Variants in DGKI observed in about 807,000 individuals in gnomAD.
DGKI encodes the protein diacylglycerol kinase iota.
A neutral mutation model predicts 147.5 loss-of-function variants in DGKI; 55 were observed. That is an observed-to-expected ratio of 0.37 (90% CI 0.30 to 0.47). DGKI has a LOEUF of 0.47. Among genes scored for constraint, DGKI ranks in the 20% least tolerant of loss-of-function variants. DGKI has a pLI of 1.00. For synonymous variants in DGKI, 469 were observed against 477.1 expected (o/e 0.98, Z 0.22); for missense variants, 1,007 against 1,323.8 (o/e 0.76, Z 3.71).
chr7:137,524,641 T>C (rs1817078573), intron 20 of DGKI, among the ~76,000 whole-genome samples: 1 of 152,072 alleles, frequency 6.6e-6, no homozygotes, highest in Non-Finnish European at 1.5e-5. Context: ...TTAGAAAATA[T>C]TTTCCTGCAC....
rs1823005832 is a variant in DGKI, at chr7:137,675,624, G to T, written c.606+2933C>A. 2.0e-5 allele frequency among the ~76,000 whole-genome samples: 3 copies of T among 149,216 alleles called. No homozygotes were observed. In the Admixed American group the frequency reaches 2.0e-4, roughly 10 times the overall value. On this transcript the variant is annotated intron_variant, in intron 3 of 32. Transcript: ENST00000614521. ...TTCTTGAACCCGGGAGGCGGAGGTT[G>T]CAGTGAGCCGAGATCACACCACTGC...
intron 3 of DGKI, among the ~76,000 whole-genome samples, chr7:137,674,555 G>A (rs1245590192): frequency 4.6e-5 from 7 of 152,144 alleles, no homozygotes; most frequent in African/African-American, 1.4e-4. Flanking sequence ...GTATTCTATA[G>A]TCATGCTTCC....
chr7:137,399,002 A>T (rs1279199606), intron 30 of DGKI, among the ~76,000 whole-genome samples: 30 of 145,532 alleles, frequency 2.1e-4, no homozygotes, highest in East Asian at 2.1e-4. Flanking sequence ...CCAGGGTTCC[A>T]TTTTTTTTTT....
At chr7:137,568,933 C>A (rs1430868241) in intron 19 of DGKI, among the ~76,000 whole-genome samples, 2 of 146,358 alleles carry the variant, frequency 1.4e-5, no homozygotes, top group African/African-American at 2.6e-5. Flanking sequence ...AAAAAAAACA[C>A]CCATACCAGA....
At chr7:137,514,630 T>C (rs956807314) in intron 21 of DGKI, among the ~76,000 whole-genome samples, 12 of 152,182 alleles carry the variant, frequency 7.9e-5, no homozygotes. Context: ...CCTACCTCTA[T>C]TTACCAAGTT....
intron 1 of DGKI, among the ~76,000 whole-genome samples, chr7:137,690,472 T>C (rs1823566239): frequency 6.6e-6 from 1 of 152,196 alleles, no homozygotes; most frequent in African/African-American, 2.4e-5. Context: ...TTCACTGTTA[T>C]TTTGCTTTCC....
chr7:137,472,394 A>G (rs1179798332), intron 23 of DGKI, among the ~76,000 whole-genome samples: 2 of 101,824 alleles, frequency 2.0e-5, no homozygotes, highest in African/African-American at 5.8e-5. Flanking sequence ...TATACATATT[A>G]TAATTATTAT....
At chr7:137,523,778 T>C (rs975542613) in intron 20 of DGKI, among the ~76,000 whole-genome samples, 3 of 152,154 alleles carry the variant, frequency 2.0e-5, no homozygotes, top group Admixed American at 6.6e-5. Flanking sequence ...AGTATATTTA[T>C]AGATACAGAC....
intron 6 of DGKI, among the ~76,000 whole-genome samples, chr7:137,642,237 G>A (rs1392466746): frequency 6.6e-6 from 1 of 152,144 alleles, no homozygotes; most frequent in African/African-American, 2.4e-5. Flanking sequence ...TTTCTGTTGG[G>A]TTTGGCCACT....
At chr7:137,438,702 G>T (rs546310330) in intron 28 of DGKI, among the ~76,000 whole-genome samples, 1 of 152,150 alleles carries the variant, frequency 6.6e-6, no homozygotes, top group East Asian at 1.9e-4. Flanking sequence ...TTCATTAGCA[G>T]ATTGGATATA....
intron 1 of DGKI, among the ~76,000 whole-genome samples, chr7:137,836,483 G>A (rs1798385578): frequency 6.6e-6 from 1 of 152,076 alleles, no homozygotes; most frequent in African/African-American, 2.4e-5. Context: ...AATCAAATGG[G>A]GCTGACTATG....
At chr7:137,759,223 C>A (rs1439973406) in intron 1 of DGKI, among the ~76,000 whole-genome samples, 4 of 152,170 alleles carry the variant, frequency 2.6e-5, no homozygotes, top group South Asian at 2.1e-4. Flanking sequence ...ATTTGATTTT[C>A]TATTTCTTAG....
At chr7:137,579,282 A>G (rs1585250842) in intron 15 of DGKI, among the ~76,000 whole-genome samples, 1 of 152,078 alleles carries the variant, frequency 6.6e-6, no homozygotes, top group Admixed American at 6.6e-5. Context: ...TCTTGGTTTG[A>G]GAACAGCCAC....
chr7:137,763,495 C>T (rs1212379826), intron 1 of DGKI, among the ~76,000 whole-genome samples: 1 of 152,188 alleles, frequency 6.6e-6, no homozygotes, highest in African/African-American at 2.4e-5. Flanking sequence ...ATCTCCTGTC[C>T]AACGACTCCC....
intron 18 of DGKI, among the ~76,000 whole-genome samples, chr7:137,572,424 C>CA (rs747802485): frequency 3.3e-5 from 5 of 151,840 alleles, no homozygotes; most frequent in East Asian, 1.9e-4. Context: ...AAACTGAGAA[C>CA]AAAAAAAGTG....
At position 137,528,264 on chromosome 7, in the gene DGKI, A is replaced by C. The variant is rs192811546; in HGVS notation, c.2148-6298T>G. 3.0e-4 allele frequency among the ~76,000 whole-genome samples: 46 copies of C among 152,126 alleles called. 1 individual carries two copies. Among genetic ancestry groups the C allele is most frequent in the South Asian group, 1.5e-3 (7 of 4,816 alleles). On this transcript the variant is annotated intron_variant, in intron 20 of 32. Transcript: ENST00000614521. ...ATGTTGAATTATGTTCCCACTTTTT[A>C]TCTCCAGTAGAATCTACACAAATAA...
chr7:137,663,661 G>A (rs188246215), intron 3 of DGKI, among the ~76,000 whole-genome samples: 49 of 152,188 alleles, frequency 3.2e-4, no homozygotes, highest in African/African-American at 1.2e-3. Context: ...CTGGGAAGTA[G>A]GTACACTGGC....
intron 28 of DGKI, among the ~76,000 whole-genome samples, chr7:137,434,820 G>A (rs887885367): frequency 4.6e-5 from 7 of 152,096 alleles, no homozygotes; most frequent in East Asian, 3.9e-4. Flanking sequence ...GCCCAGGGGG[G>A]TTTGTTTTGT....
chr7:137,690,841 A>G (rs1823577314), intron 1 of DGKI, among the ~76,000 whole-genome samples: 1 of 151,806 alleles, frequency 6.6e-6, no homozygotes, highest in South Asian at 2.1e-4. Flanking sequence ...TGAGAATAAG[A>G]ACAGCAAGAA....
Sources: gnomAD v4.1 joint callset for allele counts (sites outside exome capture counted in the v4.1 genomes callset) on GRCh38, gnomAD v4.1.1 for gene constraint, MANE v1.5 for transcripts, NCBI Gene and HGNC (gene_info 2026-07-23, HGNC 2026-07-21) for gene names.